KAZN: variants seen among roughly 807,000 people sequenced by gnomAD.
KAZN encodes the protein kazrin, periplakin interacting protein, also known as kazrin.
In KAZN, 40 loss-of-function variants were observed where a neutral mutation model predicts 87.4. The ratio of observed to expected loss-of-function variants is 0.46; its 90% CI spans 0.36 to 0.60. The LOEUF is 0.60. KAZN is among the 20% of genes least tolerant of loss of function. The pLI, the probability that KAZN is intolerant of heterozygous loss-of-function variation, is 0.00. For missense variants in KAZN, 898 were observed against 1,073.9 expected (o/e 0.84, Z 2.29); for synonymous variants, 466 against 458.3 (o/e 1.02, Z -0.22).
intron 2 of KAZN, among the ~76,000 whole-genome samples, chr1:14,515,184 C>G (rs77116509): frequency 0.047 from 7,180 of 152,206 alleles, 238 homozygotes; most frequent in African/African-American, 0.092. Context: ...CATTTAATGA[C>G]CTTGTGCTAT....
intron 1 of KAZN, among the ~76,000 whole-genome samples, chr1:14,622,596 C>T (rs1037095213): frequency 1.7e-4 from 25 of 149,226 alleles, no homozygotes; most frequent in Non-Finnish European, 2.7e-4. Flanking sequence ...GAGGCTGAGG[C>T]AGGAGAATGG....
At chr1:14,637,128 A>G (rs1178237454) in intron 1 of KAZN, among the ~76,000 whole-genome samples, 1 of 152,006 alleles carries the variant, frequency 6.6e-6, no homozygotes, top group Non-Finnish European at 1.5e-5. Context: ...CTCCCTCCAT[A>G]CCTTGGGTGT....
At chr1:14,887,423 C>G (rs888250870) in intron 1 of KAZN, among the ~76,000 whole-genome samples, 1 of 152,190 alleles carries the variant, frequency 6.6e-6, no homozygotes, top group African/African-American at 2.4e-5. Context: ...TACTGACAAC[C>G]CATTAGGCCT....
intron 2 of KAZN, among the ~76,000 whole-genome samples, chr1:14,572,275 C>G (rs1174997972): frequency 6.6e-6 from 1 of 152,174 alleles, no homozygotes; most frequent in Admixed American, 6.5e-5. Context: ...GATGCAGAGT[C>G]CGCTGGCACG....
chr1:14,659,756 C>G lies in KAZN; in HGVS notation c.226+60533C>G, dbSNP rs887249545. On this transcript the variant is annotated intron_variant, in intron 1 of 14. Coordinates refer to ENST00000376030, the MANE Select transcript of KAZN (RefSeq NM_201628.3). ...ATTGGCCCTACAACAAGGCAATTTT[C>G]ATATCAGGCAGGTCCTGGCATCTGG... Among the ~76,000 whole-genome samples the G allele has an allele frequency of 2.0e-5, 3 of 152,116 alleles. No homozygotes were observed. The South Asian group carries it at 6.2e-4, about 31-fold the overall frequency.
intron 1 of KAZN, among the ~76,000 whole-genome samples, chr1:14,137,828 C>T (rs1162218372): frequency 2.0e-5 from 3 of 151,616 alleles, no homozygotes; most frequent in South Asian, 4.2e-4. Flanking sequence ...CCTGCCTCAG[C>T]CTCCTGAGTA....
At chr1:14,354,645 G>GAC (rs71570202) in intron 2 of KAZN, among the ~76,000 whole-genome samples, 26,208 of 141,214 alleles carry the variant, frequency 0.19, 2,529 homozygotes, top group Admixed American at 0.26. Context: ...AGCTAAATTA[G>GAC]ACACACACAC....
chr1:15,041,440 C>T (rs899149867), intron 3 of KAZN, among the ~76,000 whole-genome samples: 21 of 150,262 alleles, frequency 1.4e-4, no homozygotes, highest in African/African-American at 4.4e-4. Flanking sequence ...CAGGTTCAAG[C>T]GATTCTCCTG....
chr1:14,751,639 G>A (rs1273990117), intron 1 of KAZN, among the ~76,000 whole-genome samples: 3 of 152,286 alleles, frequency 2.0e-5, no homozygotes, highest in East Asian at 1.9e-4. Flanking sequence ...CTGGCACTAA[G>A]GTCTTTGCTC....
At chr1:14,022,172 G>A (rs1237534880) in intron 1 of KAZN, among the ~76,000 whole-genome samples, 1 of 152,034 alleles carries the variant, frequency 6.6e-6, no homozygotes, top group Non-Finnish European at 1.5e-5. Context: ...GCGTGTGTAT[G>A]TTGTGTGCAT....
intron 1 of KAZN, among the ~76,000 whole-genome samples, chr1:14,072,748 T>C (rs1488749314): frequency 6.6e-6 from 1 of 152,150 alleles, no homozygotes; most frequent in Non-Finnish European, 1.5e-5. Context: ...TCTGGACTTC[T>C]GCTTTCCTCT....
chr1:13,917,797 C>CAAAAAAAA (rs35268955), intron 1 of KAZN, among the ~76,000 whole-genome samples: 1 of 77,968 alleles, frequency 1.3e-5, no homozygotes, highest in Non-Finnish European at 2.5e-5. Context: ...CCTGTGTCAT[C>CAAAAAAAA]AAAAAAAAAA....
intron 1 of KAZN, among the ~76,000 whole-genome samples, chr1:14,655,262 G>A (rs1159520523): frequency 6.6e-6 from 1 of 152,142 alleles, no homozygotes; most frequent in Non-Finnish European, 1.5e-5. Context: ...GCTAGGGGGT[G>A]TTTAGGAACC....
At chr1:14,930,359 G>C (rs542846413) in intron 1 of KAZN, among the ~76,000 whole-genome samples, 4 of 152,270 alleles carry the variant, frequency 2.6e-5, no homozygotes, top group African/African-American at 9.6e-5. Context: ...AGCTCTCCTG[G>C]GGAATTGGAG....
chr1:13,957,531 A>G (rs967278561), intron 1 of KAZN, among the ~76,000 whole-genome samples: 10 of 152,150 alleles, frequency 6.6e-5, no homozygotes, highest in African/African-American at 2.4e-4. Context: ...TTGCATAGAA[A>G]AAAATTATTT....
At chr1:14,048,059 C>G (rs1438048416) in intron 1 of KAZN, among the ~76,000 whole-genome samples, 1 of 152,182 alleles carries the variant, frequency 6.6e-6, no homozygotes, top group South Asian at 2.1e-4. Context: ...AACTCTTCCA[C>G]TCTCCAGCTG....
intron 1 of KAZN, among the ~76,000 whole-genome samples, chr1:14,103,086 GT>G (rs1221289436): frequency 6.6e-6 from 1 of 151,892 alleles, no homozygotes; most frequent in Admixed American, 6.6e-5. Flanking sequence ...CTGGCTAGTT[GT>G]TTTTGCATTT....
intron 1 of KAZN, among the ~76,000 whole-genome samples, chr1:14,865,225 G>C (rs4422999): frequency 0.36 from 54,916 of 152,004 alleles, 11,244 homozygotes; most frequent in African/African-American, 0.55. Flanking sequence ...CCAAGAGGAA[G>C]AGACTTTTCC....
At chr1:14,940,682 T>C (rs1361643764) in intron 1 of KAZN, among the ~76,000 whole-genome samples, 3 of 152,124 alleles carry the variant, frequency 2.0e-5, no homozygotes, top group African/African-American at 7.2e-5. Flanking sequence ...AGGAAGAATG[T>C]TCCCCGGGCT....
Sources: allele counts gnomAD v4.1 joint callset (sites outside exome capture counted in the v4.1 genomes callset), GRCh38; gene constraint gnomAD v4.1.1; transcripts MANE v1.5; gene names NCBI Gene and HGNC (gene_info 2026-07-23, HGNC 2026-07-21).